The following PLCB1 variants were observed in gnomAD, a reference collection of about 807,000 sequenced individuals.
PLCB1 encodes the protein phospholipase C beta 1, also known as 1-phosphatidylinositol 4,5-bisphosphate phosphodiesterase beta-1.
A neutral mutation model predicts 161.8 loss-of-function variants in PLCB1; 46 were observed. The ratio of observed to expected loss-of-function variants is 0.28; its 90% CI spans 0.22 to 0.36. The LOEUF (loss-of-function observed/expected upper bound fraction) is 0.36. PLCB1 is among the 10% of genes least tolerant of loss of function. The pLI is 1.00. For synonymous variants in PLCB1, 517 were observed against 503.7 expected (o/e 1.03, Z -0.35); for missense variants, 1,016 against 1,472.5 (o/e 0.69, Z 5.07).
At chr20:8,581,215 C>G (rs991910598) in intron 3 of PLCB1, among the ~76,000 whole-genome samples, 7 of 152,178 alleles carry the variant, frequency 4.6e-5, no homozygotes, top group African/African-American at 1.7e-4. Context: ...ACCCCAGCAC[C>G]TAGGGCCTGG....
Position 8,737,056 on chromosome 20 carries a change from A to G in PLCB1, c.2072A>G (p.Lys691Arg). Residue 691 changes from lysine to arginine, a missense_variant, in exon 20 of 32, where the codon AAG (lysine) becomes AGG (arginine). Physicochemically the swap from Lys to Arg is conservative, Grantham distance 26. This residue lies in a region of PLCB1 where 67 missense variants were observed against 195.6 expected (regional missense o/e 0.34). Coordinates refer to ENST00000338037, the MANE Select transcript of PLCB1 (RefSeq NM_015192.4). ...KIISGQFLSD[K>R]KVGTYVEVDM... ...ATTTCAGGTCAGTTTCTTTCTGATAAGAAAGTTGGGACTTACGTGGAAGTA... is the reference window on the plus strand; with the variant it reads ...ATTTCAGGTCAGTTTCTTTCTGATAGGAAAGTTGGGACTTACGTGGAAGTA... The G allele has an allele frequency of 6.2e-7, 1 of 1,613,410 alleles. No homozygotes were observed. Among genetic ancestry groups the G allele is most frequent in the Non-Finnish European group, 8.5e-7 (1 of 1,179,486 alleles).
rs1409541366 is a variant in PLCB1 at position 8,249,783 on chromosome 20, C to T, written c.177+99412C>T. On this transcript the variant is annotated intron_variant, in intron 2 of 31. Transcript: ENST00000338037. ...CGCTGTGTGTGACCCCAGTGAGCCC[C>T]ATAAGCAGAAGGCCCTGAGTCTCAA... 3.3e-5 allele frequency: 5 copies of T among 151,980 alleles called. No individual in the cohort carries two copies. The South Asian group carries it at 6.2e-4, about 19-fold the overall frequency. 9.4% of individuals were successfully genotyped at this position (151,980 alleles called of 1,614,324 possible). A position where few individuals can be genotyped will look rare whatever the true frequency, so the allele number is the denominator to read the frequency against.
intron 2 of PLCB1, among the ~76,000 whole-genome samples, chr20:8,163,516 AAAAT>A (rs1273877555): frequency 1.3e-5 from 2 of 152,232 alleles, no homozygotes; most frequent in Non-Finnish European, 2.9e-5. Context: ...TCAGACTTTT[AAAAT>A]CTATATCGCA....
At chr20:8,708,640 T>C (rs915628028) in intron 11 of PLCB1, 30 bp from the exon 12 acceptor site, 2 of 1,380,286 alleles carry the variant, frequency 1.4e-6, no homozygotes, top group Non-Finnish European at 1.0e-6. Context: ...AATTCTGGCA[T>C]ACTGAATATA....
chr20:8,697,877 A>AT lies in PLCB1; in HGVS notation c.1167+96dup, dbSNP rs1990616087. On this transcript the variant is annotated intron_variant, in intron 11 of 31. Coordinates refer to ENST00000338037, the MANE Select transcript of PLCB1 (RefSeq NM_015192.4). ...AAGGTAGAAAGTCCCAGTGGTCACA[A>AT]TTAAGTCCAAAGGCTGTTAATCATC... 3.5e-6 allele frequency: 4 copies of AT among 1,134,626 alleles called. No homozygotes were observed. In the East Asian group the frequency reaches 9.8e-5, roughly 28 times the overall value. The allele number at this position is 1,134,626 out of a possible 1,614,324, so 70.3% of individuals were successfully genotyped here. A position where few individuals can be genotyped will look rare whatever the true frequency, so the allele number is the denominator to read the frequency against.
At chr20:8,748,500 A>G (rs888426463) in intron 23 of PLCB1, among the ~76,000 whole-genome samples, 3 of 152,210 alleles carry the variant, frequency 2.0e-5, no homozygotes, top group African/African-American at 4.8e-5. Context: ...TAAAATTTCA[A>G]TGGATTCTAA....
At chr20:8,557,384 T>G (rs2123012060) in intron 3 of PLCB1, among the ~76,000 whole-genome samples, 1 of 152,192 alleles carries the variant, frequency 6.6e-6, no homozygotes, top group East Asian at 1.9e-4. Flanking sequence ...AAAGAAATTC[T>G]GACACATGTT....
intron 4 of PLCB1, among the ~76,000 whole-genome samples, chr20:8,628,987 C>T (rs1988445139): frequency 6.6e-6 from 1 of 151,982 alleles, no homozygotes; most frequent in Non-Finnish European, 1.5e-5. Flanking sequence ...AGTTTCTTTG[C>T]ATAACAAAAT....
chr20:8,796,479 G>A (rs1984032702), intron 31 of PLCB1, among the ~76,000 whole-genome samples: 2 of 152,160 alleles, frequency 1.3e-5, no homozygotes, highest in Admixed American at 1.3e-4. Context: ...ATGGGGAAAT[G>A]GATTCTTCCT....
At chr20:8,557,638 A>G (rs1391326738) in intron 3 of PLCB1, among the ~76,000 whole-genome samples, 1 of 151,980 alleles carries the variant, frequency 6.6e-6, no homozygotes, top group African/African-American at 2.4e-5. Context: ...TGATTGCACA[A>G]CACAACATTT....
At chr20:8,226,128 A>G (rs1671892942) in intron 2 of PLCB1, among the ~76,000 whole-genome samples, 1 of 152,098 alleles carries the variant, frequency 6.6e-6, no homozygotes, top group South Asian at 2.1e-4. Context: ...GGTTATTGAA[A>G]ATTAAGTGTC....
At chr20:8,415,438 T>C (rs1410168020) in intron 3 of PLCB1, among the ~76,000 whole-genome samples, 1 of 152,218 alleles carries the variant, frequency 6.6e-6, no homozygotes, top group East Asian at 1.9e-4. Context: ...TCCATAGGTC[T>C]TAATTTGGAA....
intron 3 of PLCB1, among the ~76,000 whole-genome samples, chr20:8,392,639 C>G (rs78149849): frequency 4.4e-4 from 67 of 152,208 alleles, no homozygotes; most frequent in African/African-American, 1.5e-3. Flanking sequence ...ATACATCTCT[C>G]AAATGGATTT....
intron 3 of PLCB1, among the ~76,000 whole-genome samples, chr20:8,628,012 T>C (rs1263390354): frequency 3.3e-5 from 5 of 152,122 alleles, no homozygotes; most frequent in South Asian, 2.1e-4. Context: ...TTGAAGGAAA[T>C]AGAGAACCAT....
chr20:8,716,150 A>T (rs776993308), intron 12 of PLCB1, 114 bp from the exon 13 acceptor site: 317 of 736,044 alleles, frequency 4.3e-4, no homozygotes, highest in Non-Finnish European at 3.5e-4. Context: ...ACCAATCCTG[A>T]TGGGTGGGAT....
At chr20:8,284,949 G>A (rs1983042709) in intron 2 of PLCB1, among the ~76,000 whole-genome samples, 1 of 151,352 alleles carries the variant, frequency 6.6e-6, no homozygotes, top group Non-Finnish European at 1.5e-5. Flanking sequence ...CTGTACCAGT[G>A]GTTTGCTTTT....
intron 2 of PLCB1, among the ~76,000 whole-genome samples, chr20:8,195,506 T>G (rs565138642): frequency 6.6e-6 from 1 of 152,080 alleles, no homozygotes; most frequent in South Asian, 2.1e-4. Context: ...GTCTGCATCC[T>G]CTTCATCCAA....
rs148704187 is a variant in PLCB1 at position 8,179,312 on chromosome 20, G to A, written c.177+28941G>A. ...TTTGTATCATCTCTGATTTCTTTGA[G>A]CAGTGTTTTGTAATTCTCACCATAG... On this transcript the variant is annotated intron_variant, in intron 2 of 31. Coordinates refer to ENST00000338037, the MANE Select transcript of PLCB1 (RefSeq NM_015192.4). Among the ~76,000 whole-genome samples, 847 of 152,182 alleles carry A rather than the reference G, an allele frequency of 5.6e-3. 8 individuals carry two copies. Among genetic ancestry groups the A allele is most frequent in the African/African-American group, 0.019 (799 of 41,510 alleles).
chr20:8,732,725 C>G (rs1267168380), intron 18 of PLCB1, among the ~76,000 whole-genome samples: 1 of 139,106 alleles, frequency 7.2e-6, no homozygotes, highest in Non-Finnish European at 1.5e-5. Context: ...TCTAATATAT[C>G]TAATATATAT....
Sources: gnomAD v4.1 joint callset for allele counts (sites outside exome capture counted in the v4.1 genomes callset) on GRCh38, gnomAD v4.1.1 for gene constraint, gnomAD v4.1.1 regional missense constraint, MANE v1.5 for transcripts, NCBI Gene and HGNC (gene_info 2026-07-23, HGNC 2026-07-21) for gene names.